Variants in ZBTB34 observed in about 807,000 individuals in gnomAD.
The protein encoded by ZBTB34 is zinc finger and BTB domain-containing protein 34.
A neutral mutation model predicts 33.4 loss-of-function variants in ZBTB34; 1 was observed. The observed-to-expected ratio is 0.03, with a 90% CI of 0.01 to 0.14. The LOEUF is 0.14. ZBTB34 is among the 10% of genes least tolerant of loss of function. The pLI, the probability that ZBTB34 is intolerant of heterozygous loss-of-function variation, is 1.00. For missense variants in ZBTB34, 406 were observed against 657.2 expected (o/e 0.62, Z 4.18); for synonymous variants, 283 against 253.5 (o/e 1.12, Z -1.11).
At chr9:126,860,989 T>C (rs2033135155) in intron 1 of ZBTB34, among the ~76,000 whole-genome samples, 1 of 151,724 alleles carries the variant, frequency 6.6e-6, no homozygotes, top group Non-Finnish European at 1.5e-5. Flanking sequence ...CCAGCTGTGC[T>C]CGGTCCTGGA....
intron 1 of ZBTB34, among the ~76,000 whole-genome samples, chr9:126,870,713 G>A (rs1239291521): frequency 6.6e-6 from 1 of 152,184 alleles, no homozygotes; most frequent in Non-Finnish European, 1.5e-5. Flanking sequence ...GATCATCTGA[G>A]GTCAGGAGTT....
intron 1 of ZBTB34, among the ~76,000 whole-genome samples, chr9:126,872,252 AC>A (rs1361633638): frequency 1.3e-5 from 2 of 152,164 alleles, no homozygotes; most frequent in African/African-American, 4.8e-5. Flanking sequence ...CGCCCGGCCT[AC>A]AAAAAACTTT....
intron 1 of ZBTB34, among the ~76,000 whole-genome samples, chr9:126,869,844 C>T (rs529453743): frequency 9.9e-5 from 15 of 152,074 alleles, no homozygotes; most frequent in Non-Finnish European, 1.9e-4. Flanking sequence ...CAGAAGAGAC[C>T]TGTGAAGAAG....
At chr9:126,874,128 G>T (rs1213410178) in intron 1 of ZBTB34, among the ~76,000 whole-genome samples, 2 of 133,828 alleles carry the variant, frequency 1.5e-5, no homozygotes, top group Non-Finnish European at 3.1e-5. Flanking sequence ...TGCAAGCTCC[G>T]TCCTCCAGGT....
At chr9:126,861,051 G>T (rs1048874908) in intron 1 of ZBTB34, among the ~76,000 whole-genome samples, 3 of 152,180 alleles carry the variant, frequency 2.0e-5, no homozygotes, top group African/African-American at 7.2e-5. Context: ...GCTGCCCTGG[G>T]CTCCCAGCCT....
intron 1 of ZBTB34, among the ~76,000 whole-genome samples, chr9:126,877,733 G>C (rs1027275650): frequency 4.6e-5 from 7 of 152,290 alleles, no homozygotes; most frequent in African/African-American, 7.2e-5. Context: ...GGCAGAGCGC[G>C]GTGGCTCACG....
At chr9:126,870,674 C>G (rs933782129) in intron 1 of ZBTB34, among the ~76,000 whole-genome samples, 1 of 152,126 alleles carries the variant, frequency 6.6e-6, no homozygotes, top group Non-Finnish European at 1.5e-5. Flanking sequence ...CGCCTGTAAT[C>G]CCAGCACTTT....
At chr9:126,861,638 A>G (rs2033144720) in intron 1 of ZBTB34, among the ~76,000 whole-genome samples, 1 of 152,230 alleles carries the variant, frequency 6.6e-6, no homozygotes, top group African/African-American at 2.4e-5. Flanking sequence ...AGGCTTTAAA[A>G]TGATTTCAAG....
intron 1 of ZBTB34, among the ~76,000 whole-genome samples, chr9:126,861,579 CTT>C (rs1158806062): frequency 1.3e-5 from 2 of 152,214 alleles, no homozygotes; most frequent in Admixed American, 1.3e-4. Context: ...TCGCTGAAGA[CTT>C]TGTCAGTGTG....
intron 1 of ZBTB34, among the ~76,000 whole-genome samples, chr9:126,876,319 T>C: frequency 7.0e-6 from 1 of 142,436 alleles, no homozygotes. Context: ...TAGATACACT[T>C]TATTGTATTA....
chr9:126,874,048 T>C (rs1588388894), intron 1 of ZBTB34, among the ~76,000 whole-genome samples: 1 of 133,756 alleles, frequency 7.5e-6, no homozygotes, highest in East Asian at 2.1e-4. Context: ...TTTTTTTTTT[T>C]TTTTTTTTTT....
chr9:126,869,189 A>G lies in ZBTB34; in HGVS notation c.-11+8450A>G, dbSNP rs529156187. The stretch of plus-strand genomic sequence containing the variant: ...GCAGCAATAGGGAGGATGTTTGCCC[A>G]CCCCCACCCCCCACCCCATCTCCAT... On this transcript the variant is annotated intron_variant, in intron 1 of 1. Transcript: ENST00000319119. Among the ~76,000 whole-genome samples the G allele has an allele frequency of 6.2e-5, 5 of 81,288 alleles. No homozygotes were observed. In the South Asian group the frequency reaches 2.6e-3, roughly 43 times the overall value. The allele number at this position is 81,288 out of a possible 152,430, so 53.3% of individuals were successfully genotyped here.
Position 126,880,248 on chromosome 9 carries a change from C to G in ZBTB34, c.849C>G (p.Leu283=). ...ATGTGGGCTCCTATGGTTCTGTGCT[C>G]CAGCACGCATACTCCTATTCCCAAG... Residue 283 remains leucine (L), a synonymous_variant, in exon 2 of 2, where the codon CTC becomes CTG. Transcript: ENST00000319119. This position sits in a 1 kb window ranked among gnomAD's most constrained non-coding sequence, Gnocchi z 6.7. 2 of 1,613,852 alleles carry G rather than the reference C, an allele frequency of 1.2e-6. No individual in the cohort carries two copies. The highest frequency in any genetic ancestry group is 8.5e-7 in the Non-Finnish European group (1 of 1,179,896).
chr9:126,869,189 A>ACCCCCAC (rs2033247022), intron 1 of ZBTB34, among the ~76,000 whole-genome samples: 1 of 81,222 alleles, frequency 1.2e-5, no homozygotes, highest in Non-Finnish European at 2.5e-5. Flanking sequence ...ATGTTTGCCC[A>ACCCCCAC]CCCCCACCCC....
At chr9:126,868,996 A>C (rs542658956) in intron 1 of ZBTB34, among the ~76,000 whole-genome samples, 26 of 152,248 alleles carry the variant, frequency 1.7e-4, no homozygotes, top group African/African-American at 6.0e-4. Context: ...TCTTCTCCTC[A>C]TAACCCTTCT....
At chr9:126,868,648 T>C (rs2033239681) in intron 1 of ZBTB34, among the ~76,000 whole-genome samples, 1 of 152,230 alleles carries the variant, frequency 6.6e-6, no homozygotes, top group Admixed American at 6.5e-5. Context: ...GCTTCGTCAC[T>C]GCTTGGTCAG....
intron 1 of ZBTB34, among the ~76,000 whole-genome samples, chr9:126,862,797 A>C (rs1308160303): frequency 2.6e-5 from 4 of 151,986 alleles, no homozygotes; most frequent in Non-Finnish European, 5.9e-5. Context: ...ATTGTGTCTT[A>C]ATACTCCTCT....
Position 126,880,159 on chromosome 9 carries a change from T to A in ZBTB34, c.760T>A (p.Ser254Thr). The change falls in exon 2 of 2, where the codon TCC (serine) becomes ACC (threonine). Residue 254 changes from serine (S) to threonine (T), a missense_variant. Coordinates refer to ENST00000319119, the Ensembl canonical transcript of ZBTB34. This position sits in a 1 kb window ranked among gnomAD's most constrained non-coding sequence, Gnocchi z 6.7. Reference sequence around the variant, plus strand: ...CGACCGGCCCAGCTGTTCCGACAGCTCCTCCCTGGGTGACGATGGGTACCA... The same window carrying A: ...CGACCGGCCCAGCTGTTCCGACAGCACCTCCCTGGGTGACGATGGGTACCA... 1 of 1,613,666 alleles carries A rather than the reference T, an allele frequency of 6.2e-7. No individual in the cohort carries two copies. The highest frequency in any genetic ancestry group is 8.5e-7 in the Non-Finnish European group (1 of 1,179,880).
At chr9:126,869,415 A>C (rs1207135797) in intron 1 of ZBTB34, among the ~76,000 whole-genome samples, 1 of 152,030 alleles carries the variant, frequency 6.6e-6, no homozygotes, top group Non-Finnish European at 1.5e-5. Context: ...GGATTCAGAG[A>C]CATACTGCGT....
Sources: gnomAD v4.1 joint callset for allele counts (sites outside exome capture counted in the v4.1 genomes callset) on GRCh38, gnomAD v4.1.1 for gene constraint, Gnocchi (gnomAD v3.1) non-coding constraint, MANE v1.5 for transcripts, NCBI Gene and HGNC (gene_info 2026-07-23, HGNC 2026-07-21) for gene names.